RBFOX3: variants seen among roughly 807,000 people sequenced by gnomAD.
RBFOX3 encodes RNA binding fox-1 homolog 3, also known as RNA binding protein fox-1 homolog 3.
A neutral mutation model predicts 48.7 loss-of-function variants in RBFOX3; 17 were observed. The observed-to-expected ratio is 0.35, with a 90% CI of 0.24 to 0.52. The LOEUF is 0.52. Ranked by LOEUF, RBFOX3 falls within the 20% of genes least tolerant of loss-of-function variation. The pLI is 0.94. For missense variants in RBFOX3, 382 were observed against 497.5 expected (o/e 0.77, Z 2.21); for synonymous variants, 212 against 209.5 (o/e 1.01, Z -0.10).
chr17:79,283,892 T>C (rs897453102), intron 3 of RBFOX3, among the ~76,000 whole-genome samples: 16 of 152,082 alleles, frequency 1.1e-4, no homozygotes, highest in Non-Finnish European at 2.4e-4. Flanking sequence ...TACTTATAAA[T>C]GGAGATGCCT....
At chr17:79,429,027 C>G (rs1341888234) in intron 2 of RBFOX3, among the ~76,000 whole-genome samples, 2 of 152,214 alleles carry the variant, frequency 1.3e-5, no homozygotes, top group African/African-American at 4.8e-5. Context: ...CCCAGAGAGA[C>G]TCTTCCCCCT....
the RBFOX3 span, among the ~76,000 whole-genome samples, chr17:79,636,655 G>A: frequency 6.6e-6 from 1 of 151,848 alleles, no homozygotes; most frequent in African/African-American, 2.4e-5. Context: ...ATCACAAGGA[G>A]TAAAATCTCT....
intron 2 of RBFOX3, among the ~76,000 whole-genome samples, chr17:79,359,493 C>A (rs889776452): frequency 6.6e-6 from 1 of 152,194 alleles, no homozygotes; most frequent in Admixed American, 6.5e-5. Flanking sequence ...TGAGGCATAG[C>A]CTTCGAAGGA....
chr17:79,261,209 CACA>C (rs751139174), intron 3 of RBFOX3, among the ~76,000 whole-genome samples: 16 of 152,178 alleles, frequency 1.1e-4, no homozygotes, highest in South Asian at 2.1e-4. Context: ...GCAATGTAAG[CACA>C]ACAAGAGATT....
chr17:79,518,630 T>C (rs1346363474), intron 1 of RBFOX3, among the ~76,000 whole-genome samples: 1 of 152,218 alleles, frequency 6.6e-6, no homozygotes, highest in African/African-American at 2.4e-5. Flanking sequence ...AGGGCAGGCC[T>C]GGCGGAACAG....
chr17:79,158,489 G>C (rs7215120), intron 4 of RBFOX3, among the ~76,000 whole-genome samples: 5 of 152,256 alleles, frequency 3.3e-5, no homozygotes, highest in African/African-American at 1.2e-4. Flanking sequence ...ACTTCCCCAC[G>C]ACTCAGAGGC....
chr17:79,309,106 C>CAAAA (rs5822288), intron 2 of RBFOX3, among the ~76,000 whole-genome samples: 3 of 143,878 alleles, frequency 2.1e-5, no homozygotes, highest in Non-Finnish European at 4.5e-5. Context: ...GACTCTGTCT[C>CAAAA]AAAAAAAAAA....
chr17:79,578,011 C>T (rs1159548966), intron 1 of RBFOX3, among the ~76,000 whole-genome samples: 5 of 152,238 alleles, frequency 3.3e-5, no homozygotes, highest in African/African-American at 1.2e-4. Context: ...AGCTCAGAAC[C>T]CTGCTGTCCC....
At chr17:79,161,157 G>A (rs1388987463) in intron 4 of RBFOX3, among the ~76,000 whole-genome samples, 1 of 152,130 alleles carries the variant, frequency 6.6e-6, no homozygotes, top group Non-Finnish European at 1.5e-5. Flanking sequence ...TGGTTATGGT[G>A]GGGTCATCCA....
chr17:79,105,912 C>T (rs931011144), intron 6 of RBFOX3, among the ~76,000 whole-genome samples: 24 of 151,742 alleles, frequency 1.6e-4, no homozygotes, highest in African/African-American at 5.1e-4. Context: ...ACCCACCACT[C>T]GGCAGCCCCA....
intron 4 of RBFOX3, among the ~76,000 whole-genome samples, chr17:79,226,422 G>A (rs918776219): frequency 4.6e-5 from 7 of 152,240 alleles, no homozygotes; most frequent in African/African-American, 1.7e-4. Flanking sequence ...CTCAGCCTGA[G>A]GATTTTGTAA....
rs1301457254 is a variant in RBFOX3 at position 79,090,871 on chromosome 17, C to G, written c.*12G>C. ...TGCCCTTCATGGTCCGAGAAGGAAA[C>G]GGTGGAAGGTTTCACTACAACAGAA... On this transcript the variant is annotated 3_prime_UTR_variant, in exon 15 of 15. Transcript: ENST00000693108. 1.3e-6 allele frequency: 2 copies of G among 1,523,274 alleles called. No individual in the cohort carries two copies. The highest frequency in any genetic ancestry group is 1.8e-6 in the Non-Finnish European group (2 of 1,136,120). 94.4% of individuals were successfully genotyped at this position (1,523,274 alleles called of 1,614,324 possible).
At chr17:79,476,897 AAGAAGAAAG>A (rs2149432430) in intron 2 of RBFOX3, among the ~76,000 whole-genome samples, 1 of 152,132 alleles carries the variant, frequency 6.6e-6, no homozygotes, top group East Asian at 1.9e-4. Flanking sequence ...GGAGAGAAAA[AAGAAGAAAG>A]AGGAGAAAGA....
intron 1 of RBFOX3, among the ~76,000 whole-genome samples, chr17:79,529,579 G>A (rs945596309): frequency 6.6e-6 from 1 of 152,166 alleles, no homozygotes; most frequent in Admixed American, 6.5e-5. Context: ...AGGCATGAGG[G>A]GCCCTGCCGA....
At chr17:79,457,454 C>T (rs1230481296) in intron 2 of RBFOX3, among the ~76,000 whole-genome samples, 1 of 152,160 alleles carries the variant, frequency 6.6e-6, no homozygotes, top group Non-Finnish European at 1.5e-5. Context: ...GTGAAATCAC[C>T]CAACCAAGAC....
At chr17:79,389,644 G>A (rs759034524) in intron 2 of RBFOX3, among the ~76,000 whole-genome samples, 8 of 152,212 alleles carry the variant, frequency 5.3e-5, no homozygotes, top group Admixed American at 1.3e-4. Flanking sequence ...ATGCTGGGCC[G>A]GTTTCCAGAC....
chr17:79,571,963 T>A (rs2092694373), intron 1 of RBFOX3, among the ~76,000 whole-genome samples: 1 of 152,188 alleles, frequency 6.6e-6, no homozygotes, highest in Non-Finnish European at 1.5e-5. Context: ...GCAGGACTTT[T>A]GTCATAAGAA....
At chr17:79,347,848 T>C (rs1426749794) in intron 2 of RBFOX3, among the ~76,000 whole-genome samples, 1 of 152,228 alleles carries the variant, frequency 6.6e-6, no homozygotes, top group Admixed American at 6.5e-5. Flanking sequence ...ACTCAGTTTG[T>C]TGCCTTAAAA....
chr17:79,305,182 G>A (rs138992246), intron 3 of RBFOX3, among the ~76,000 whole-genome samples: 18 of 152,086 alleles, frequency 1.2e-4, no homozygotes, highest in African/African-American at 4.3e-4. Flanking sequence ...TGAAGATCAG[G>A]CAGTTGAAGC....
Sources: gnomAD v4.1 joint callset for allele counts (sites outside exome capture counted in the v4.1 genomes callset) on GRCh38, gnomAD v4.1.1 for gene constraint, MANE v1.5 for transcripts, NCBI Gene and HGNC (gene_info 2026-07-23, HGNC 2026-07-21) for gene names.